MCM4: variants seen among roughly 807,000 people sequenced by gnomAD.
MCM4 encodes the protein DNA replication licensing factor MCM4.
In MCM4, 60 loss-of-function variants were observed where a neutral mutation model predicts 88.7. The observed-to-expected ratio is 0.68, with a 90% CI of 0.55 to 0.84. The LOEUF is 0.84. MCM4 is among the 40% of genes least tolerant of loss of function. The pLI, the probability that MCM4 is intolerant of heterozygous loss-of-function variation, is 0.00. For synonymous variants in MCM4, 465 were observed against 410.5 expected, an observed-to-expected ratio of 1.13 and a Z score of -1.61; for missense variants, 1,149 against 1,105.5, an observed-to-expected ratio of 1.04 and a Z score of -0.56.
At chr8:47,966,984 C>T (rs911086960) in intron 9 of MCM4, among the ~76,000 whole-genome samples, 12 of 152,228 alleles carry the variant, frequency 7.9e-5, no homozygotes, top group African/African-American at 2.9e-4. Context: ...GAAAGGCAGG[C>T]ACCCTGCTCC....
rs1239095531 is a variant in MCM4 at position 47,970,659 on chromosome 8, C to T, written c.1583C>T (p.Pro528Leu). ...CTGCAGTACGTGTACAACCTCGTCC[C>T]CAGGGGCCAGTACACGTCTGGGAAG... ...QLLQYVYNLVPRGQYTSGKGS... is the reference protein window; with the variant it reads ...QLLQYVYNLVLRGQYTSGKGS... Residue 528 changes from proline (P) to leucine (L), a missense_variant, in exon 12 of 17, where the codon CCC becomes CTC. Physicochemically the swap from Pro to Leu is moderately conservative, Grantham distance 98. Coordinates refer to ENST00000649973, the MANE Select transcript of MCM4 (RefSeq NM_182746.3). 5 of 1,614,022 alleles carry T rather than the reference C, an allele frequency of 3.1e-6. No individual in the cohort carries two copies. In the African/African-American group the frequency reaches 6.7e-5, roughly 22 times the overall value.
rs2091015655 is a variant in MCM4 at position 47,977,988 on chromosome 8, A to G, written c.*1210A>G. ...AAAAGCTTTACTAACCACTACATTT[A>G]TGGAAATTTGTAGGGGTAAGTATTT... On this transcript the variant is annotated 3_prime_UTR_variant, in exon 17 of 17. Coordinates refer to ENST00000649973, the MANE Select transcript of MCM4 (RefSeq NM_182746.3). The G allele has an allele frequency of 6.6e-6, 1 of 152,178 alleles. No individual in the cohort carries two copies. Among genetic ancestry groups the G allele is most frequent in the African/African-American group, 2.4e-5 (1 of 41,454 alleles). 9.4% of individuals were successfully genotyped at this position (152,178 alleles called of 1,614,324 possible). A position where few individuals can be genotyped will look rare whatever the true frequency, so the allele number is the denominator to read the frequency against.
intron 8 of MCM4, 41 bp from the exon 9 acceptor site, chr8:47,966,146 A>T (rs776481803): frequency 1.3e-6 from 2 of 1,536,930 alleles, no homozygotes; most frequent in East Asian, 4.5e-5. Context: ...GGACCTCCAC[A>T]CCTCAGGTCA....
intron 8 of MCM4, among the ~76,000 whole-genome samples, chr8:47,965,857 A>G (rs537886047): frequency 2.3e-4 from 35 of 152,304 alleles, no homozygotes; most frequent in African/African-American, 7.2e-4. Context: ...CAGAAAGGCT[A>G]GGGTCAGGAC....
chr8:47,975,038 G>A, intron 15 of MCM4, 76 bp downstream of exon 15: 2 of 1,164,378 alleles, frequency 1.7e-6, no homozygotes, highest in Admixed American at 2.4e-5. Flanking sequence ...TCAGATTTAA[G>A]CTAACAGTTA....
At chr8:47,965,790 T>C (rs751759692) in intron 8 of MCM4, among the ~76,000 whole-genome samples, 2 of 152,178 alleles carry the variant, frequency 1.3e-5, no homozygotes, top group Non-Finnish European at 2.9e-5. Flanking sequence ...CGTTCAGTCC[T>C]TGGCTCTGGG....
At position 47,973,261 on chromosome 8, in the gene MCM4, T is replaced by TG. The variant is rs2090972102; in HGVS notation, c.2136+198dup. Among the ~76,000 whole-genome samples the TG allele has an allele frequency of 2.6e-5, 4 of 151,868 alleles. No individual in the cohort carries two copies. The South Asian group carries it at 8.3e-4, about 32-fold the overall frequency. On this transcript the variant is annotated intron_variant, in intron 14 of 16. Transcript: ENST00000649973. ...TCTCGGCTTACTGCAGCCTGTGGCC[T>TG]GTGCTTCTGGGTTCAAGCGATTCTC... is the stretch of plus-strand genomic sequence containing the variant.
chr8:47,961,689 C>T lies in MCM4; in HGVS notation c.235+9C>T, dbSNP rs2090838780. The T allele has an allele frequency of 6.3e-7, 1 of 1,597,870 alleles. No homozygotes were observed. Among genetic ancestry groups the T allele is most frequent in the Non-Finnish European group, 8.5e-7 (1 of 1,170,554 alleles). On this transcript the variant is annotated intron_variant, in intron 3 of 16. Transcript: ENST00000649973. Reference sequence around the variant, plus strand: ...CCAAATGCATTCTTCAGGTGCGTGTCTGAAGATCTTGGTTTTGCTGTGCTT... The same window carrying T: ...CCAAATGCATTCTTCAGGTGCGTGTTTGAAGATCTTGGTTTTGCTGTGCTT...
rs1361496609 is a variant in MCM4, at chr8:47,961,860, TAGTG to T, written c.235+183_235+186del. On this transcript the variant is annotated intron_variant, in intron 3 of 16. Transcript: ENST00000649973. The stretch of plus-strand genomic sequence containing the variant: ...TGCAGAAAATAGTAGTTTTAGGGCT[TAGTG>T]AGCAGAGGAAGCAGCTTCTCTGGTG... 3.2e-6 allele frequency: 3 copies of T among 949,738 alleles called. No individual in the cohort carries two copies. The African/African-American group carries it at 5.0e-5, about 16-fold the overall frequency. The allele number at this position is 949,738 out of a possible 1,614,324, so 58.8% of individuals were successfully genotyped here.
At position 47,972,882 on chromosome 8, in the gene MCM4, G is replaced by T; in HGVS notation, c.1954G>T (p.Asp652Tyr). 1 of 1,614,054 alleles carries T rather than the reference G, an allele frequency of 6.2e-7. No individual in the cohort carries two copies. Among genetic ancestry groups the T allele is most frequent in the South Asian group, 1.1e-5 (1 of 91,058 alleles). The change falls in exon 14 of 17, where the codon GAC (aspartate) becomes TAC (tyrosine). Residue 652 changes from aspartate to tyrosine, a missense_variant. By Grantham distance (160) the Asp-to-Tyr change is radical. Transcript: ENST00000649973. ...SRFDLIFLLLDPQDEAYDRRL... is the reference protein window; with the variant it reads ...SRFDLIFLLLYPQDEAYDRRL... ...GTTTGATTTGATCTTCCTCTTGCTG[G>T]ACCCTCAGGACGAAGCCTATGACAG...
intron 10 of MCM4, among the ~76,000 whole-genome samples, chr8:47,968,539 A>G (rs1031788501): frequency 3.3e-5 from 5 of 152,224 alleles, no homozygotes; most frequent in African/African-American, 1.2e-4. Context: ...GGGGCTGTGG[A>G]AAGTGCTGTG....
intron 8 of MCM4, 144 bp from the exon 9 acceptor site, chr8:47,966,043 T>C (rs1292496212): frequency 6.1e-6 from 4 of 658,230 alleles, no homozygotes; most frequent in East Asian, 2.7e-5. Context: ...GAGAGTCTCC[T>C]GAAGACATAG....
intron 2 of MCM4, 147 bp downstream of exon 2, chr8:47,961,361 A>G: frequency 6.7e-7 from 1 of 1,493,966 alleles, no homozygotes; most frequent in Non-Finnish European, 8.9e-7. Flanking sequence ...AGACACCCAC[A>G]GCAGGCTGTG....
chr8:47,966,847 G>A (rs1308953785), intron 9 of MCM4, among the ~76,000 whole-genome samples: 3 of 152,228 alleles, frequency 2.0e-5, no homozygotes, highest in Non-Finnish European at 4.4e-5. Context: ...AAAGTGAGGG[G>A]AAGGTAGAAA....
In MCM4 at chr8:47,969,684, G is replaced by C. The variant is rs564943056; in HGVS notation, c.1175-114G>C. On this transcript the variant is annotated intron_variant, in intron 10 of 16. Coordinates refer to ENST00000649973, the MANE Select transcript of MCM4 (RefSeq NM_182746.3). ...GACGGTGGAGCTCACCCTTTCCAGG[G>C]CCAGCCCGACGTGGTGCCTCGCTCT... 15 of 1,058,012 alleles carry C rather than the reference G, an allele frequency of 1.4e-5. No individual in the cohort carries two copies. The South Asian group carries it at 2.1e-4, about 15-fold the overall frequency. 65.5% of individuals were successfully genotyped at this position (1,058,012 alleles called of 1,614,324 possible).
chr8:47,964,595 A>G lies in MCM4; in HGVS notation c.715A>G (p.Met239Val), dbSNP rs752863422. The change falls in exon 8 of 17, where the codon ATG becomes GTG. Residue 239 changes from methionine to valine, a missense_variant. This residue lies in a region of MCM4 where 906 missense variants were observed against 843.0 expected (regional missense o/e 1.07). Coordinates refer to ENST00000649973, the MANE Select transcript of MCM4 (RefSeq NM_182746.3). ...YPQEVIPTFDMAVNEIFFDRY... is the reference protein window; with the variant it reads ...YPQEVIPTFDVAVNEIFFDRY... Reference sequence around the variant, plus strand: ...ACAGGAAGTTATTCCAACTTTTGACATGGCTGTCAATGAAATCTTCTTTGA... The same window carrying G: ...ACAGGAAGTTATTCCAACTTTTGACGTGGCTGTCAATGAAATCTTCTTTGA... 22 of 1,595,716 alleles carry G rather than the reference A, an allele frequency of 1.4e-5. No homozygotes were observed. The highest frequency in any genetic ancestry group is 1.9e-5 in the Admixed American group (1 of 53,730).
In MCM4 at chr8:47,971,363, A is replaced by G; in HGVS notation, c.1823A>G (p.Asn608Ser). The G allele has an allele frequency of 1.9e-6, 3 of 1,614,116 alleles. No individual in the cohort carries two copies. Among genetic ancestry groups the G allele is most frequent in the South Asian group, 1.1e-5 (1 of 91,070 alleles). ...TAGGCTGGGATCATCTGTCAGCTCA[A>G]TGCGCGCACCTCTGTCCTGGCAGCA... ...IAKAGIICQL[N>S]ARTSVLAAAN... is the part of the protein sequence containing the mutation. The change falls in exon 13 of 17, where the codon AAT becomes AGT. Residue 608 changes from asparagine to serine, a missense_variant. By Grantham distance (46) the Asn-to-Ser change is conservative (BLOSUM62 1). Coordinates refer to ENST00000649973, the MANE Select transcript of MCM4 (RefSeq NM_182746.3).
At chr8:47,964,505 C>A in intron 7 of MCM4, 69 bp from the exon 8 acceptor site, 3 of 1,247,784 alleles carry the variant, frequency 2.4e-6, no homozygotes, top group Non-Finnish European at 3.3e-6. Flanking sequence ...CTTTGCTAAT[C>A]TGACATGCCT....
intron 8 of MCM4, among the ~76,000 whole-genome samples, chr8:47,965,780 C>T (rs1014489786): frequency 3.9e-5 from 6 of 152,162 alleles, no homozygotes; most frequent in African/African-American, 1.2e-4. Context: ...TACATTGGCA[C>T]GTTCAGTCCT....
Sources: allele counts gnomAD v4.1 joint callset (sites outside exome capture counted in the v4.1 genomes callset), GRCh38; gene constraint gnomAD v4.1.1; regional missense constraint gnomAD v4.1.1; transcripts MANE v1.5; gene names NCBI Gene and HGNC (gene_info 2026-07-23, HGNC 2026-07-21).